FANCD2: variants seen among roughly 807,000 people sequenced by gnomAD.
The protein encoded by FANCD2 is FA complementation group D2, also known as Fanconi anemia group D2 protein.
Under a neutral mutation model 192.3 loss-of-function variants are expected in FANCD2, and 131 were observed. The ratio of observed to expected loss-of-function variants is 0.68; its 90% CI spans 0.59 to 0.79. The LOEUF (loss-of-function observed/expected upper bound fraction) is 0.79, where lower values mean the gene tolerates loss of function less well. Ranked by LOEUF, FANCD2 falls within the 30% of genes least tolerant of loss-of-function variation. FANCD2 has a pLI of 0.00. For synonymous variants in FANCD2, 524 were observed against 612.5 expected, an observed-to-expected ratio of 0.86 and a Z score of 2.13; for missense variants, 1,508 against 1,701.6, an observed-to-expected ratio of 0.89 and a Z score of 2.00.
chr3:10,080,859 A>C lies in FANCD2; in HGVS notation c.2977-241A>C, dbSNP rs117037473. On this transcript the variant is annotated intron_variant, in intron 30 of 43. Coordinates refer to ENST00000675286, the MANE Select transcript of FANCD2 (RefSeq NM_001018115.3). Reference sequence around the variant, plus strand: ...TTATGTGACCTTTATCTGATTAGTTATGATAGGGCTATATGTCTCAATCAA... The same window carrying C: ...TTATGTGACCTTTATCTGATTAGTTCTGATAGGGCTATATGTCTCAATCAA... 4.6e-5 allele frequency among the ~76,000 whole-genome samples: 7 copies of C among 152,316 alleles called. No homozygotes were observed. The East Asian group carries it at 1.2e-3, about 25-fold the overall frequency.
chr3:10,069,723 C>T (rs909398318), intron 26 of FANCD2, among the ~76,000 whole-genome samples: 3 of 152,174 alleles, frequency 2.0e-5, no homozygotes, highest in Non-Finnish European at 1.5e-5. Context: ...CTCAGCCTCC[C>T]GAGGTGCCGG....
At chr3:10,060,526 G>C in intron 19 of FANCD2, 123 bp downstream of exon 19, 1 of 770,984 alleles carries the variant, frequency 1.3e-6, no homozygotes. Flanking sequence ...AATGTGTTTT[G>C]CTACTTTTCC....
chr3:10,084,243 C>T (rs1694036135), intron 32 of FANCD2, among the ~76,000 whole-genome samples: 1 of 151,542 alleles, frequency 6.6e-6, no homozygotes, highest in Admixed American at 6.6e-5. Context: ...CTACCCACCT[C>T]AGCCTCCCAA....
At chr3:10,095,992 T>G (rs1694935834) in intron 41 of FANCD2, among the ~76,000 whole-genome samples, 1 of 152,088 alleles carries the variant, frequency 6.6e-6, no homozygotes, top group African/African-American at 2.4e-5. Context: ...CAGTGAATGT[T>G]TAAGGAATTC....
At chr3:10,061,346 G>A (rs1022831419) in intron 19 of FANCD2, among the ~76,000 whole-genome samples, 1 of 152,016 alleles carries the variant, frequency 6.6e-6, no homozygotes, top group Non-Finnish European at 1.5e-5. Context: ...CACCCCAACC[G>A]CCACCGGCTC....
At chr3:10,078,255 A>G in intron 30 of FANCD2, 58 bp downstream of exon 30, 1 of 1,167,084 alleles carries the variant, frequency 8.6e-7, no homozygotes, top group South Asian at 1.2e-5. Context: ...CAAAGGAGGT[A>G]TTATGATGAA....
At chr3:10,080,238 C>A (rs6781811) in intron 30 of FANCD2, among the ~76,000 whole-genome samples, 2 of 151,142 alleles carry the variant, frequency 1.3e-5, no homozygotes, top group Admixed American at 6.6e-5. Context: ...TATTCACTAT[C>A]GGGTCTACTT....
intron 27 of FANCD2, 45 bp downstream of exon 27, chr3:10,073,026 T>C: frequency 1.7e-6 from 2 of 1,165,814 alleles, no homozygotes; most frequent in Non-Finnish European, 2.6e-6. Context: ...TAAATAAGCT[T>C]CATTGAATTA....
At chr3:10,078,286 C>T in intron 30 of FANCD2, 89 bp downstream of exon 30, 1 of 877,876 alleles carries the variant, frequency 1.1e-6, no homozygotes, top group Non-Finnish European at 2.0e-6. Flanking sequence ...CTTTCTTTGG[C>T]ATTGTGTTTG....
rs566190998 is a variant in FANCD2, at chr3:10,049,561, G to A, written c.1545+56G>A. The A allele has an allele frequency of 7.3e-5, 113 of 1,538,104 alleles. 2 individuals carry two copies. The highest frequency in any genetic ancestry group is 7.2e-4 in the East Asian group (32 of 44,568). On this transcript the variant is annotated intron_variant, in intron 17 of 43. Coordinates refer to ENST00000675286, the MANE Select transcript of FANCD2 (RefSeq NM_001018115.3). ...TTGAATACTATAATTGGTGGGAGGT[G>A]GTGGGAAGGAGGTGAGATGATGGGC... is the stretch of plus-strand genomic sequence containing the variant.
chr3:10,072,280 C>CTT (rs547150617), intron 26 of FANCD2, among the ~76,000 whole-genome samples: 13 of 139,402 alleles, frequency 9.3e-5, no homozygotes, highest in South Asian at 2.3e-4. Context: ...ATACCTTTCC[C>CTT]TTTTTTTTTT....
intron 18 of FANCD2, among the ~76,000 whole-genome samples, chr3:10,054,574 C>T (rs1229463207): frequency 2.1e-5 from 3 of 143,184 alleles, no homozygotes; most frequent in African/African-American, 5.2e-5. Context: ...AACTCCGCCT[C>T]CCAGGTTCCC....
chr3:10,081,025 G>C lies in FANCD2; in HGVS notation c.2977-75G>C, dbSNP rs1575823534. On this transcript the variant is annotated intron_variant, in intron 30 of 43. Coordinates refer to ENST00000675286, the MANE Select transcript of FANCD2 (RefSeq NM_001018115.3). ...CTACCTGGTGACACAGGTTTGACTT[G>C]ACTCCATTGCGAACCCTTAGTTTCT... is the stretch of plus-strand genomic sequence containing the variant. 9 of 1,555,226 alleles carry C rather than the reference G, an allele frequency of 5.8e-6. No homozygotes were observed. In the East Asian group the frequency reaches 2.0e-4, roughly 35 times the overall value.
rs1246011182 is a variant in FANCD2, at chr3:10,088,890, T to A, written c.3623T>A (p.Val1208Asp). ...KAIEEIAGVG[V>D]PELINSPKDA... ...ATAGAGGAGATTGCTGGTGTTGGTG[T>A]CCCAGAACTGATCAACTCTCCTAAA... Residue 1208 changes from valine (V) to aspartate (D), a missense_variant, in exon 36 of 44, where the codon GTC becomes GAC. By Grantham distance (152) the Val-to-Asp change is radical. Transcript: ENST00000675286. The A allele has an allele frequency of 1.2e-6, 2 of 1,613,786 alleles. No homozygotes were observed. The highest frequency in any genetic ancestry group is 3.3e-5 in the Admixed American group (2 of 59,976).
intron 32 of FANCD2, 95 bp from the exon 33 acceptor site, chr3:10,085,717 C>T: frequency 1.2e-6 from 1 of 846,836 alleles, no homozygotes; most frequent in Non-Finnish European, 2.1e-6. Flanking sequence ...AACCGTTAAA[C>T]TATTGATGGT....
intron 18 of FANCD2, among the ~76,000 whole-genome samples, chr3:10,054,841 A>G (rs2087362078): frequency 6.7e-6 from 1 of 150,308 alleles, no homozygotes; most frequent in South Asian, 2.1e-4. Context: ...CAGTCAGCAC[A>G]TTTTTTTTAA....
At chr3:10,030,534 C>T (rs1402266901) in intron 2 of FANCD2, among the ~76,000 whole-genome samples, 2 of 152,140 alleles carry the variant, frequency 1.3e-5, no homozygotes, top group South Asian at 2.1e-4. Flanking sequence ...GATGAAAATG[C>T]TTGCTGAACA....
intron 2 of FANCD2, among the ~76,000 whole-genome samples, chr3:10,029,945 G>A (rs938661556): frequency 6.6e-6 from 1 of 151,832 alleles, no homozygotes; most frequent in Admixed American, 6.6e-5. Flanking sequence ...CACCATGCCC[G>A]GCTGATTTTT....
chr3:10,069,590 TGCCTGCGATTGCAG>T (rs959254660), intron 26 of FANCD2, among the ~76,000 whole-genome samples: 1 of 151,336 alleles, frequency 6.6e-6, no homozygotes, highest in African/African-American at 2.4e-5. Flanking sequence ...GCCTGCCGAG[TGCCTGCGATTGCAG>T]GCGCGCGCCG....
Sources: gnomAD v4.1 joint callset for allele counts (sites outside exome capture counted in the v4.1 genomes callset) on GRCh38, gnomAD v4.1.1 for gene constraint, MANE v1.5 for transcripts, NCBI Gene and HGNC (gene_info 2026-07-23, HGNC 2026-07-21) for gene names.